Variants in IFFO1 observed in about 807,000 individuals in gnomAD.
The protein encoded by IFFO1 is intermediate filament family orphan 1.
Under a neutral mutation model 59.6 loss-of-function variants are expected in IFFO1, and 42 were observed. That is an observed-to-expected ratio of 0.70 (90% CI 0.55 to 0.91). IFFO1 has a LOEUF of 0.91. IFFO1 is among the 40% of genes least tolerant of loss of function. IFFO1 has a pLI of 0.00. For synonymous variants in IFFO1, 336 were observed against 342.8 expected, an observed-to-expected ratio of 0.98 and a Z score of 0.22; for missense variants, 711 against 793.2, an observed-to-expected ratio of 0.90 and a Z score of 1.24.
rs1474220593 is a variant in IFFO1 at position 6,556,035 on chromosome 12, C to A, written c.-6G>T. On this transcript the variant is annotated 5_prime_UTR_variant, in exon 1 of 10. Coordinates refer to ENST00000619571, the MANE Select transcript of IFFO1 (RefSeq NM_001193457.2). ...GGGCCGAATAACGGATTCATGGCTG[C>A]GCCTTCTGCTGGGAGATGCAGACCG... 1 of 1,574,694 alleles carries A rather than the reference C, an allele frequency of 6.4e-7. No homozygotes were observed. Among genetic ancestry groups the A allele is most frequent in the Non-Finnish European group, 8.6e-7 (1 of 1,168,692 alleles).
At chr12:6,545,169 C>T (rs1274671627) in intron 8 of IFFO1, among the ~76,000 whole-genome samples, 1 of 151,736 alleles carries the variant, frequency 6.6e-6, no homozygotes, top group Non-Finnish European at 1.5e-5. Flanking sequence ...GAGCTGAGAT[C>T]GCGCCACTGC....
At chr12:6,539,079 T>G (rs899886544), downstream of IFFO1, 14 of 152,290 alleles carry the variant, frequency 9.2e-5, no homozygotes, top group African/African-American at 3.4e-4. Context: ...TCCAGACCCC[T>G]GGCTCTGCCA....
At position 6,548,310 on chromosome 12, in the gene IFFO1, C is replaced by T. The variant is rs981742857; in HGVS notation, c.1383+115G>A. 3.0e-5 allele frequency: 40 copies of T among 1,347,018 alleles called. No individual in the cohort carries two copies. Among genetic ancestry groups the T allele is most frequent in the African/African-American group, 2.2e-4 (15 of 68,964 alleles). 83.4% of individuals were successfully genotyped at this position (1,347,018 alleles called of 1,614,324 possible). A position where few individuals can be genotyped will look rare whatever the true frequency, so the allele number is the denominator to read the frequency against. The stretch of plus-strand genomic sequence containing the variant: ...CAAAAGGATAAAGGAAGAGGGGAGA[C>T]GCAGGTAGAGGATGACAGCCACATG... On this transcript the variant is annotated intron_variant, in intron 7 of 9. Coordinates refer to ENST00000619571, the MANE Select transcript of IFFO1 (RefSeq NM_001193457.2). The surrounding 1 kb of genome is among the most constrained non-coding windows in gnomAD (Gnocchi z 6.1).
Position 6,550,960 on chromosome 12 carries a change from C to A in IFFO1, c.815G>T (p.Arg272Leu), listed in dbSNP as rs375866509. ...CCTCACCTCCTGGAGCTCATTTACA[C>A]GGTCTTGCAGCTGGATCCGCACCGT... The part of the protein sequence containing the change: ...EYTVRIQLQD[R>L]VNELQEEAQE... Residue 272 changes from arginine (R) to leucine (L), a missense_variant, in exon 2 of 10, where the codon CGT becomes CTT. Arg to Leu is a moderately radical substitution (Grantham distance 102). Around this residue, in one of 3 missense-constraint regions of IFFO1, gnomAD observed 579 missense variants for 650.3 expected, o/e 0.89. Coordinates refer to ENST00000619571, the MANE Select transcript of IFFO1 (RefSeq NM_001193457.2). 6.2e-7 allele frequency: 1 copy of A among 1,614,216 alleles called. No homozygotes were observed. The highest frequency in any genetic ancestry group is 2.2e-5 in the East Asian group (1 of 44,880).
chr12:6,554,225 A>G (rs1263339604), intron 1 of IFFO1, among the ~76,000 whole-genome samples: 2 of 152,108 alleles, frequency 1.3e-5, no homozygotes, highest in African/African-American at 4.8e-5. Context: ...TCTCCGCCAC[A>G]CTGGGCTGCA....
At chr12:6,545,699 G>GAA (rs3076273) in intron 8 of IFFO1, among the ~76,000 whole-genome samples, 19,253 of 135,054 alleles carry the variant, frequency 0.14, 1,438 homozygotes, top group East Asian at 0.24. Context: ...CTCCGTCTCG[G>GAA]AAAAAAAAAA....
Position 6,549,649 on chromosome 12 carries a change from G to A in IFFO1, c.1071+107C>T. The A allele has an allele frequency of 6.7e-7, 1 of 1,490,850 alleles. No homozygotes were observed. The highest frequency in any genetic ancestry group is 1.4e-5 in the African/African-American group (1 of 72,398). The allele number at this position is 1,490,850 out of a possible 1,614,324, so 92.4% of individuals were successfully genotyped here. ...GCCCCGTGAGGGCCCCAGTTGCCAG[G>A]TAAGGCTCCCCAAGCAGGAGGCAGG... is the stretch of plus-strand genomic sequence containing the variant. On this transcript the variant is annotated intron_variant, in intron 4 of 9. Coordinates refer to ENST00000619571, the MANE Select transcript of IFFO1 (RefSeq NM_001193457.2). This position sits in a 1 kb window ranked among gnomAD's most constrained non-coding sequence, Gnocchi z 5.0.
chr12:6,548,337 G>T lies in IFFO1; in HGVS notation c.1383+88C>A. The T allele has an allele frequency of 6.7e-7, 1 of 1,486,584 alleles. No individual in the cohort carries two copies. The highest frequency in any genetic ancestry group is 9.2e-7 in the Non-Finnish European group (1 of 1,084,708). 92.1% of individuals were successfully genotyped at this position (1,486,584 alleles called of 1,614,324 possible). A position where few individuals can be genotyped will look rare whatever the true frequency, so the allele number is the denominator to read the frequency against. ...CAGGTAGAGGATGACAGCCACATGG[G>T]GGGACAGAGCAAGGAGAGGAGCGGG... On this transcript the variant is annotated intron_variant, in intron 7 of 9. Coordinates refer to ENST00000619571, the MANE Select transcript of IFFO1 (RefSeq NM_001193457.2). This position sits in a 1 kb window ranked among gnomAD's most constrained non-coding sequence, Gnocchi z 6.1.
In IFFO1 at chr12:6,548,097, T is replaced by C. The variant is rs1338620103; in HGVS notation, c.1447A>G (p.Lys483Glu). The change falls in exon 8 of 10, where the codon AAG becomes GAG. Residue 483 changes from lysine (K) to glutamate (E), a missense_variant. Lys to Glu is a moderately conservative substitution (Grantham distance 56, BLOSUM62 1). Transcript: ENST00000619571. This position sits in a 1 kb window ranked among gnomAD's most constrained non-coding sequence, Gnocchi z 6.1. ...DTESLFKTRE[K>E]EYQETIDQIE... ...TGGTCAATGGTCTCCTGATACTCCT[T>C]CTCCCGGGTTTTGAACAGGGACTCC... is the stretch of plus-strand genomic sequence containing the variant. The C allele has an allele frequency of 9.9e-6, 16 of 1,613,828 alleles. No individual in the cohort carries two copies. The Admixed American group carries it at 2.5e-4, about 25-fold the overall frequency.
rs1947104969 is a variant in IFFO1 at position 6,548,942 on chromosome 12, G to A, written c.1081-93C>T. ...AATGGGGGAGAAGCATGAACCAGTA[G>A]GAAGGGGGGGCAGACAGAGAGAAAA... On this transcript the variant is annotated intron_variant, in intron 5 of 9. Transcript: ENST00000619571. The surrounding 1 kb of genome is among the most constrained non-coding windows in gnomAD (Gnocchi z 6.1). 3 of 1,033,754 alleles carry A rather than the reference G, an allele frequency of 2.9e-6. No individual in the cohort carries two copies. Among genetic ancestry groups the A allele is most frequent in the Admixed American group, 4.8e-5 (2 of 41,682 alleles). 64.0% of individuals were successfully genotyped at this position (1,033,754 alleles called of 1,614,324 possible).
Position 6,555,373 on chromosome 12 carries a change from C to A in IFFO1, c.657G>T (p.Leu219Phe), listed in dbSNP as rs1480089900. 6.2e-7 allele frequency: 1 copy of A among 1,614,206 alleles called. No homozygotes were observed. The highest frequency in any genetic ancestry group is 1.7e-5 in the Admixed American group (1 of 60,030). Reference sequence around the variant, plus strand: ...CCACCCCATCCGGGTGCACCCACGACAAGCCAGGCCCTTGCACCAGAGTGG... The same window carrying A: ...CCACCCCATCCGGGTGCACCCACGAAAAGCCAGGCCCTTGCACCAGAGTGG... ...LEPTLVQGPG[L>F]SWVHPDGVGV... Residue 219 changes from leucine (L) to phenylalanine (F), a missense_variant, in exon 1 of 10, where the codon TTG becomes TTT. Leu to Phe is a conservative substitution (Grantham distance 22). Transcript: ENST00000619571. This position sits in a 1 kb window ranked among gnomAD's most constrained non-coding sequence, Gnocchi z 8.6.
At position 6,541,653 on chromosome 12, in the gene IFFO1, G is replaced by A. The variant is rs1256580969; in HGVS notation, c.1480-11C>T. 2 of 1,613,030 alleles carry A rather than the reference G, an allele frequency of 1.2e-6. No individual in the cohort carries two copies. Among genetic ancestry groups the A allele is most frequent in the Middle Eastern group, 1.6e-4 (1 of 6,062 alleles). Reference sequence around the variant, plus strand: ...CGTGGCCAACTCCAGCTGTGGTGGGGCAGGCAGGGCCATCGGGGTTAACAG... The same window carrying A: ...CGTGGCCAACTCCAGCTGTGGTGGGACAGGCAGGGCCATCGGGGTTAACAG... On this transcript the variant is annotated splice_polypyrimidine_tract_variant and intron_variant, in intron 8 of 9. Transcript: ENST00000619571. The surrounding 1 kb of genome is among the most constrained non-coding windows in gnomAD (Gnocchi z 4.8).
intron 2 of IFFO1, 69 bp downstream of exon 2, chr12:6,550,872 G>A (rs538555054): frequency 5.6e-6 from 9 of 1,601,774 alleles, no homozygotes; most frequent in Admixed American, 3.3e-5. Flanking sequence ...ACAGGGAGAC[G>A]GCAGCAGGGT....
In IFFO1 at chr12:6,555,919, G is replaced by A. The variant is rs530486627; in HGVS notation, c.111C>T (p.Asp37=). 3 of 1,552,890 alleles carry A rather than the reference G, an allele frequency of 1.9e-6. No homozygotes were observed. Among genetic ancestry groups the A allele is most frequent in the Non-Finnish European group, 2.6e-6 (3 of 1,154,010 alleles). Residue 37 remains aspartate, a synonymous_variant, in exon 1 of 10, where the codon GAC becomes GAT. Coordinates refer to ENST00000619571, the MANE Select transcript of IFFO1 (RefSeq NM_001193457.2). The surrounding 1 kb of genome is among the most constrained non-coding windows in gnomAD (Gnocchi z 8.6). ...CCGGCGAGAGAGGCGCCGGGGGCAA[G>A]TCTCCTCCCCCGGCGAAGTGGTCGC... ...LGGDHFAGGG[D]LPPAPLSPAG...
Position 6,549,624 on chromosome 12 carries a change from G to A in IFFO1, c.1071+132C>T. 1 of 1,385,212 alleles carries A rather than the reference G, an allele frequency of 7.2e-7. No individual in the cohort carries two copies. The highest frequency in any genetic ancestry group is 1.0e-6 in the Non-Finnish European group (1 of 992,504). The allele number at this position is 1,385,212 out of a possible 1,614,324, so 85.8% of individuals were successfully genotyped here. ...ATGCTGCTCCTTACCCCCCAGTCTA[G>A]CCCCGTGAGGGCCCCAGTTGCCAGG... On this transcript the variant is annotated intron_variant, in intron 4 of 9. Transcript: ENST00000619571. This position sits in a 1 kb window ranked among gnomAD's most constrained non-coding sequence, Gnocchi z 5.0.
chr12:6,541,047 G>T lies in IFFO1; in HGVS notation c.1611-459C>A, dbSNP rs560693155. ...AAAAAAAAAAAAAAAAGAAATAGCT[G>T]AAGTCACAGTAGGAGAGAAGCTGCT... On this transcript the variant is annotated intron_variant, in intron 9 of 9. Coordinates refer to ENST00000619571, the MANE Select transcript of IFFO1 (RefSeq NM_001193457.2). The surrounding 1 kb of genome is among the most constrained non-coding windows in gnomAD (Gnocchi z 4.8). Among the ~76,000 whole-genome samples the T allele has an allele frequency of 9.6e-4, 144 of 149,336 alleles. No homozygotes were observed. The highest frequency in any genetic ancestry group is 4.4e-5 in the Non-Finnish European group (3 of 67,460).
At position 6,555,629 on chromosome 12, in the gene IFFO1, A is replaced by G. The variant is rs1592229550; in HGVS notation, c.401T>C (p.Ile134Thr). 1 of 1,514,728 alleles carries G rather than the reference A, an allele frequency of 6.6e-7. No individual in the cohort carries two copies. The highest frequency in any genetic ancestry group is 2.4e-5 in the Admixed American group (1 of 42,202). The allele number at this position is 1,514,728 out of a possible 1,614,324, so 93.8% of individuals were successfully genotyped here. Reference sequence around the variant, plus strand: ...GCCCAGCTGCAGCCCCAGGGGCCGGATGGGGCTGACGAAGCCGGTCTGCAC... The same window carrying G: ...GCCCAGCTGCAGCCCCAGGGGCCGGGTGGGGCTGACGAAGCCGGTCTGCAC... ...QAVQTGFVSPIRPLGLQLGAR... is the reference protein window; with the variant it reads ...QAVQTGFVSPTRPLGLQLGAR... Residue 134 changes from isoleucine (I) to threonine (T), a missense_variant, in exon 1 of 10, where the codon ATC (isoleucine) becomes ACC (threonine). Ile to Thr is a moderately conservative substitution (Grantham distance 89, BLOSUM62 -1). Transcript: ENST00000619571. This position sits in a 1 kb window ranked among gnomAD's most constrained non-coding sequence, Gnocchi z 8.6.
Position 6,549,031 on chromosome 12 carries a change from G to A in IFFO1, c.1081-182C>T, listed in dbSNP as rs974573148. The A allele has an allele frequency of 5.9e-5, 36 of 610,934 alleles. No homozygotes were observed. The highest frequency in any genetic ancestry group is 1.0e-4 in the Non-Finnish European group (36 of 348,258). The allele number at this position is 610,934 out of a possible 1,614,324, so 37.8% of individuals were successfully genotyped here. On this transcript the variant is annotated intron_variant, in intron 5 of 9. Transcript: ENST00000619571. The surrounding 1 kb of genome is among the most constrained non-coding windows in gnomAD (Gnocchi z 5.0). ...CACCAAGGGCCAGACACACAGCGGG[G>A]GTCAGGGCTGCAAACCGAGAAGGCA...
chr12:6,548,915 G>A lies in IFFO1; in HGVS notation c.1081-66C>T. Reference sequence around the variant, plus strand: ...AGCGGGAGGCCGGGCAGAGAGGGTGGGAATGGGGGAGAAGCATGAACCAGT... The same window carrying A: ...AGCGGGAGGCCGGGCAGAGAGGGTGAGAATGGGGGAGAAGCATGAACCAGT... On this transcript the variant is annotated intron_variant, in intron 5 of 9. Transcript: ENST00000619571. This position sits in a 1 kb window ranked among gnomAD's most constrained non-coding sequence, Gnocchi z 6.1. 1 of 1,377,110 alleles carries A rather than the reference G, an allele frequency of 7.3e-7. No individual in the cohort carries two copies. The highest frequency in any genetic ancestry group is 1.0e-6 in the Non-Finnish European group (1 of 1,000,268). 85.3% of individuals were successfully genotyped at this position (1,377,110 alleles called of 1,614,324 possible).
Sources: gnomAD v4.1 joint callset for allele counts (sites outside exome capture counted in the v4.1 genomes callset) on GRCh38, gnomAD v4.1.1 for gene constraint, gnomAD v4.1.1 regional missense constraint, Gnocchi (gnomAD v3.1) non-coding constraint, MANE v1.5 for transcripts, NCBI Gene and HGNC (gene_info 2026-07-23, HGNC 2026-07-21) for gene names.